NPAS3: variants seen among roughly 807,000 people sequenced by gnomAD.
NPAS3 encodes the protein neuronal PAS domain protein 3.
Under a neutral mutation model 73.1 loss-of-function variants are expected in NPAS3, and 14 were observed. The observed-to-expected ratio is 0.19, with a 90% CI of 0.13 to 0.30. NPAS3 has a LOEUF of 0.30. Ranked by LOEUF, NPAS3 falls within the 10% of genes least tolerant of loss-of-function variation. The pLI, the probability that NPAS3 is intolerant of heterozygous loss-of-function variation, is 1.00. For missense variants in NPAS3, 1,096 were observed against 1,250.0 expected (o/e 0.88, Z 1.86); for synonymous variants, 620 against 541.5 (o/e 1.14, Z -2.01).
chr14:33,694,042 G>T (rs939075431), intron 6 of NPAS3, among the ~76,000 whole-genome samples: 5 of 151,950 alleles, frequency 3.3e-5, no homozygotes, highest in African/African-American at 1.2e-4. Flanking sequence ...CAAAGCTGAT[G>T]AAATTTGCAT....
Position 33,446,566 on chromosome 14 carries a change from C to T in NPAS3, c.468+79298C>T, listed in dbSNP as rs1340778812. ...AGATAGTTGTATCTCATTCCTCCCT[C>T]GGAAGAGATGGAGAAAAACTTGTTA... is the stretch of plus-strand genomic sequence containing the variant. On this transcript the variant is annotated intron_variant, in intron 4 of 11. Coordinates refer to ENST00000356141, the Ensembl canonical transcript of NPAS3. Among the ~76,000 whole-genome samples, 8 of 152,192 alleles carry T rather than the reference C, an allele frequency of 5.3e-5. No individual in the cohort carries two copies. The East Asian group carries it at 7.7e-4, about 15-fold the overall frequency.
At chr14:33,698,326 A>T (rs1295074890) in intron 6 of NPAS3, among the ~76,000 whole-genome samples, 5 of 152,222 alleles carry the variant, frequency 3.3e-5, no homozygotes, top group Admixed American at 6.5e-5. Flanking sequence ...GGTTTTTTTA[A>T]AATTATGTGA....
At chr14:33,713,978 C>G (rs2140507901) in intron 6 of NPAS3, among the ~76,000 whole-genome samples, 1 of 152,212 alleles carries the variant, frequency 6.6e-6, no homozygotes, top group East Asian at 1.9e-4. Context: ...CTTCCTGGAA[C>G]ACTATCTCAC....
At chr14:33,668,271 C>T (rs74042367) in intron 5 of NPAS3, among the ~76,000 whole-genome samples, 100 of 152,330 alleles carry the variant, frequency 6.6e-4, no homozygotes, top group African/African-American at 2.4e-3. Context: ...TGCTGATCTT[C>T]CACCATACAG....
intron 1 of NPAS3, among the ~76,000 whole-genome samples, chr14:33,011,551 GT>G (rs35182169): frequency 1.8e-4 from 27 of 149,974 alleles, no homozygotes; most frequent in East Asian, 1.8e-3. Flanking sequence ...CTAGAAATCA[GT>G]TTTTTTTTTT....
chr14:33,511,042 A>G (rs2053025574), intron 4 of NPAS3, among the ~76,000 whole-genome samples: 1 of 152,006 alleles, frequency 6.6e-6, no homozygotes, highest in African/African-American at 2.4e-5. Context: ...TTGAGTGGAT[A>G]ATTTACCAGA....
intron 2 of NPAS3, among the ~76,000 whole-genome samples, chr14:33,142,782 G>A (rs1420463331): frequency 2.0e-5 from 3 of 152,102 alleles, no homozygotes; most frequent in East Asian, 1.9e-4. Flanking sequence ...TTTTGTCCTG[G>A]AGAAAAATTT....
At chr14:33,026,129 T>C (rs2039792206) in intron 1 of NPAS3, among the ~76,000 whole-genome samples, 3 of 152,208 alleles carry the variant, frequency 2.0e-5, no homozygotes, top group Admixed American at 2.0e-4. Flanking sequence ...ATAAGAGGCA[T>C]ATGTCAAATT....
At chr14:33,650,538 T>A (rs976764610) in intron 5 of NPAS3, among the ~76,000 whole-genome samples, 3 of 152,198 alleles carry the variant, frequency 2.0e-5, no homozygotes, top group Admixed American at 2.0e-4. Flanking sequence ...AGGGTCATCA[T>A]ACATTTGTTG....
chr14:33,073,762 A>G (rs2041564893), intron 2 of NPAS3, among the ~76,000 whole-genome samples: 2 of 152,240 alleles, frequency 1.3e-5, no homozygotes, highest in South Asian at 4.1e-4. Flanking sequence ...AATATACTGA[A>G]GTATTTGGGC....
At chr14:33,248,363 A>T (rs375405727) in intron 3 of NPAS3, among the ~76,000 whole-genome samples, 1 of 152,206 alleles carries the variant, frequency 6.6e-6, no homozygotes. Context: ...ATAATTTTGG[A>T]TGTTCTAATC....
At chr14:33,509,315 G>A (rs75990069) in intron 4 of NPAS3, among the ~76,000 whole-genome samples, 157 of 152,088 alleles carry the variant, frequency 1.0e-3, no homozygotes, top group African/African-American at 3.7e-3. Context: ...GAATCTAAGC[G>A]CTATAAAGGA....
intron 1 of NPAS3, among the ~76,000 whole-genome samples, chr14:33,032,489 G>A (rs1404512860): frequency 6.6e-6 from 1 of 152,156 alleles, no homozygotes; most frequent in Admixed American, 6.5e-5. Context: ...CATGTGATTA[G>A]TGACCATAAC....
chr14:33,658,814 T>C (rs554406981), intron 5 of NPAS3, among the ~76,000 whole-genome samples: 1 of 152,162 alleles, frequency 6.6e-6, no homozygotes, highest in South Asian at 2.1e-4. Flanking sequence ...ACTAATAGTG[T>C]ATTAATAATG....
intron 3 of NPAS3, among the ~76,000 whole-genome samples, chr14:33,279,929 C>A (rs1445090381): frequency 1.3e-5 from 2 of 152,120 alleles, no homozygotes; most frequent in Non-Finnish European, 2.9e-5. Context: ...AATTGAAATG[C>A]CTGTGAGACC....
At position 33,095,657 on chromosome 14, in the gene NPAS3, CTTTTATTTTTTTATT is replaced by C. The variant is rs2042384002; in HGVS notation, c.140+39668_140+39682del. ...TACACAAAGGCGTGGGCATTCTCTGCTTTTATTTTTTTATTTTTTTTTTTTTTTTGAGAGGGAGTC... is the reference window on the plus strand; with the variant it reads ...TACACAAAGGCGTGGGCATTCTCTGCTTTTTTTTTTTTTTGAGAGGGAGTC... On this transcript the variant is annotated intron_variant, in intron 2 of 11. Transcript: ENST00000356141. 4.1e-5 allele frequency among the ~76,000 whole-genome samples: 4 copies of C among 97,656 alleles called. 1 individual carries two copies. The South Asian group carries it at 1.2e-3, about 29-fold the overall frequency. The allele number at this position is 97,656 out of a possible 152,430, so 64.1% of individuals were successfully genotyped here.
At chr14:33,411,211 C>T (rs946064517) in intron 4 of NPAS3, among the ~76,000 whole-genome samples, 7 of 151,898 alleles carry the variant, frequency 4.6e-5, no homozygotes, top group South Asian at 2.1e-4. Flanking sequence ...GTTTTTGAGA[C>T]GGAGTCTCAC....
upstream of NPAS3, chr14:32,934,960 G>T: frequency 7.7e-7 from 1 of 1,294,916 alleles, no homozygotes; most frequent in Middle Eastern, 2.0e-4. This position sits in a 1 kb window ranked among gnomAD's most constrained non-coding sequence, Gnocchi z 4.1. Context: ...CGCGGCCAAC[G>T]GCACCCCGCA....
chr14:32,987,274 C>T (rs765585259), intron 1 of NPAS3, among the ~76,000 whole-genome samples: 1 of 139,140 alleles, frequency 7.2e-6, no homozygotes, highest in Non-Finnish European at 1.5e-5. Context: ...TTTCCCTTCT[C>T]TCCCTCTCTC....
Sources: gnomAD v4.1 joint callset for allele counts (sites outside exome capture counted in the v4.1 genomes callset) on GRCh38, gnomAD v4.1.1 for gene constraint, Gnocchi (gnomAD v3.1) non-coding constraint, MANE v1.5 for transcripts, NCBI Gene and HGNC (gene_info 2026-07-23, HGNC 2026-07-21) for gene names.